The following TRIQK variants were observed in gnomAD, a reference collection of about 807,000 sequenced individuals.
The protein encoded by TRIQK is triple QxxK/R motif-containing protein.
In TRIQK, 10 loss-of-function variants were observed where a neutral mutation model predicts 10.8. The ratio of observed to expected loss-of-function variants is 0.92; its 90% CI spans 0.57 to 1.57. TRIQK has a LOEUF of 1.57. Ranked by LOEUF, TRIQK falls within the 40% of genes most tolerant of loss-of-function variation. TRIQK has a pLI of 0.00. For synonymous variants in TRIQK, 33 were observed against 33.7 expected, an observed-to-expected ratio of 0.98 and a Z score of 0.07; for missense variants, 107 against 97.7, an observed-to-expected ratio of 1.09 and a Z score of -0.40.
intron 3 of TRIQK, among the ~76,000 whole-genome samples, chr8:92,902,503 C>A (rs1361017771): frequency 6.6e-6 from 1 of 152,154 alleles, no homozygotes; most frequent in Non-Finnish European, 1.5e-5. Context: ...TTCAAATCCT[C>A]TTCAGTGCCT....
At chr8:92,946,516 C>T (rs944886025) in intron 2 of TRIQK, among the ~76,000 whole-genome samples, 6 of 151,968 alleles carry the variant, frequency 3.9e-5, no homozygotes, top group South Asian at 2.1e-4. Flanking sequence ...AATAAAAAGG[C>T]GATGAACTAC....
intron 1 of TRIQK, among the ~76,000 whole-genome samples, chr8:93,009,599 C>T (rs888671710): frequency 1.3e-5 from 2 of 148,484 alleles, no homozygotes; most frequent in African/African-American, 4.9e-5. Context: ...CAGAGTGAGA[C>T]TCTGCCTCAA....
intron 1 of TRIQK, among the ~76,000 whole-genome samples, chr8:93,005,450 G>T (rs765737042): frequency 3.3e-5 from 5 of 152,254 alleles, no homozygotes; most frequent in Middle Eastern, 3.4e-3. Context: ...TAAGAGTTGG[G>T]TGGGGACACA....
Position 92,925,933 on chromosome 8 carries a change from T to C in TRIQK, c.-21-8923A>G, listed in dbSNP as rs1471369406. On this transcript the variant is annotated intron_variant, in intron 2 of 4. Transcript: ENST00000521988. The stretch of plus-strand genomic sequence containing the variant: ...CTGCTTTGTTCATAATAGTTGAAAA[T>C]TGGGGGCATGGTGGCGGGTGCCTGT... Among the ~76,000 whole-genome samples, 8 of 152,124 alleles carry C rather than the reference T, an allele frequency of 5.3e-5. No homozygotes were observed. In the East Asian group the frequency reaches 5.8e-4, roughly 11 times the overall value.
chr8:92,913,353 C>T (rs551551385), intron 3 of TRIQK, among the ~76,000 whole-genome samples: 1 of 151,952 alleles, frequency 6.6e-6, no homozygotes. Flanking sequence ...ATGTGGCCAA[C>T]AAACATATGA....
chr8:92,896,953 A>G (rs1030107958), intron 3 of TRIQK, among the ~76,000 whole-genome samples: 2 of 151,542 alleles, frequency 1.3e-5, no homozygotes, highest in Non-Finnish European at 2.9e-5. Flanking sequence ...AGTAGCTGGG[A>G]TTACAGGCAT....
chr8:92,929,965 T>C lies in TRIQK; in HGVS notation c.-21-12955A>G, dbSNP rs531578656. 5.3e-5 allele frequency among the ~76,000 whole-genome samples: 8 copies of C among 152,162 alleles called. No individual in the cohort carries two copies. In the East Asian group the frequency reaches 1.5e-3, roughly 29 times the overall value. On this transcript the variant is annotated intron_variant, in intron 2 of 4. Coordinates refer to ENST00000521988, the MANE Select transcript of TRIQK (RefSeq NM_001171797.2). ...AATTACACTATCCTTTAAATAAAGA[T>C]TTTTTTATGAAAACTGCTCTTTCTA...
chr8:92,959,280 C>T (rs1370503391), intron 1 of TRIQK, among the ~76,000 whole-genome samples: 1 of 152,012 alleles, frequency 6.6e-6, no homozygotes, highest in East Asian at 1.9e-4. Context: ...TATTCATACT[C>T]TTGGATTATC....
intron 2 of TRIQK, among the ~76,000 whole-genome samples, chr8:92,938,720 T>C (rs1315871817): frequency 3.9e-5 from 6 of 152,290 alleles, no homozygotes; most frequent in Non-Finnish European, 7.4e-5. Context: ...CCTTTCATTT[T>C]GGATCAATGT....
At chr8:92,993,030 T>C (rs1409679992) in intron 1 of TRIQK, among the ~76,000 whole-genome samples, 3 of 152,192 alleles carry the variant, frequency 2.0e-5, no homozygotes, top group Non-Finnish European at 4.4e-5. Flanking sequence ...AAGGAACCTA[T>C]GAAGAGAAGC....
chr8:92,910,177 A>T (rs1176082668), intron 3 of TRIQK, among the ~76,000 whole-genome samples: 1 of 151,460 alleles, frequency 6.6e-6, no homozygotes, highest in Non-Finnish European at 1.5e-5. Flanking sequence ...TCTGTCTTCA[A>T]GACTATTTAA....
At chr8:93,016,383 T>A (rs2130766271) in intron 1 of TRIQK, among the ~76,000 whole-genome samples, 1 of 152,322 alleles carries the variant, frequency 6.6e-6, no homozygotes, top group Admixed American at 6.5e-5. Flanking sequence ...TTCAGTGCAA[T>A]GTGTACAAAA....
chr8:93,012,027 A>T lies in TRIQK; in HGVS notation c.-181+5582T>A, dbSNP rs548434858. ...ATTTGTAAGCTGGAGAAAAGTATCT[A>T]GACAGTGCATGAAGCAGATACGTAC... On this transcript the variant is annotated intron_variant, in intron 1 of 4. Coordinates refer to the TRIQK transcript ENST00000520686. Among the ~76,000 whole-genome samples, 3 of 152,326 alleles carry T rather than the reference A, an allele frequency of 2.0e-5. No homozygotes were observed. In the East Asian group the frequency reaches 5.8e-4, roughly 29 times the overall value.
In TRIQK at chr8:92,898,845, A is replaced by G. The variant is rs1210333282; in HGVS notation, c.62-6771T>C. Among the ~76,000 whole-genome samples, 88 of 130,816 alleles carry G rather than the reference A, an allele frequency of 6.7e-4. 1 individual carries two copies. The highest frequency in any genetic ancestry group is 1.6e-3 in the South Asian group (6 of 3,838). 85.8% of individuals were successfully genotyped at this position (130,816 alleles called of 152,430 possible). On this transcript the variant is annotated intron_variant, in intron 3 of 4. Transcript: ENST00000521988. ...TAGGTGTGTGTGTGTATATATATAT[A>G]TATATATATATATATATATATATAT...
In TRIQK at chr8:92,909,639, A is replaced by G. The variant is rs535388811; in HGVS notation, c.61+7290T>C. On this transcript the variant is annotated intron_variant, in intron 3 of 4. Transcript: ENST00000521988. The stretch of plus-strand genomic sequence containing the variant: ...CCACATTAAGTACTAAGAAACAAGC[A>G]CTAAGCTTAGAGCTGCTAAAGATAA... 6.6e-5 allele frequency among the ~76,000 whole-genome samples: 10 copies of G among 151,948 alleles called. No individual in the cohort carries two copies. In the East Asian group the frequency reaches 1.9e-3, roughly 29 times the overall value.
chr8:92,966,684 T>G (rs528934623), upstream of TRIQK, among the ~76,000 whole-genome samples: 2 of 152,098 alleles, frequency 1.3e-5, no homozygotes, highest in Non-Finnish European at 2.9e-5. Context: ...ATTCAAATAT[T>G]AAATGCTTTA....
At chr8:92,899,251 C>G (rs931149936) in intron 3 of TRIQK, among the ~76,000 whole-genome samples, 73 of 152,036 alleles carry the variant, frequency 4.8e-4, no homozygotes, top group African/African-American at 1.6e-3. Flanking sequence ...CAAATCACAC[C>G]TGGGATTACA....
intron 1 of TRIQK, among the ~76,000 whole-genome samples, chr8:92,986,824 C>T (rs752227634): frequency 3.0e-4 from 45 of 152,004 alleles, no homozygotes; most frequent in Non-Finnish European, 1.2e-4. Flanking sequence ...TGTGCAGAGA[C>T]GTACACATCT....
intron 1 of TRIQK, among the ~76,000 whole-genome samples, chr8:93,012,452 A>G (rs1166099221): frequency 6.6e-6 from 1 of 152,166 alleles, no homozygotes; most frequent in Non-Finnish European, 1.5e-5. Flanking sequence ...TTTTCAGAAA[A>G]GCCAACTCTT....
Sources: allele counts gnomAD v4.1 joint callset (sites outside exome capture counted in the v4.1 genomes callset), GRCh38; gene constraint gnomAD v4.1.1; transcripts MANE v1.5; gene names NCBI Gene and HGNC (gene_info 2026-07-23, HGNC 2026-07-21).